Variants in EPHA7 observed in about 807,000 individuals in gnomAD.
EPHA7 encodes the protein EPH receptor A7.
EPHA7 carries 25 observed loss-of-function variants against 112.6 expected under a neutral mutation model. The observed-to-expected ratio is 0.22, with a 90% confidence interval of 0.16 to 0.31. The LOEUF is 0.31. Ranked by LOEUF, EPHA7 falls within the 10% of genes least tolerant of loss-of-function variation. EPHA7 has a pLI of 1.00. For missense variants in EPHA7, 962 were observed against 1,212.6 expected (o/e 0.79, Z 3.07); for synonymous variants, 437 against 406.5 (o/e 1.07, Z -0.90).
intron 3 of EPHA7, among the ~76,000 whole-genome samples, chr6:93,391,876 G>C (rs1777925317): frequency 1.3e-5 from 2 of 151,430 alleles, no homozygotes; most frequent in Admixed American, 6.6e-5. Flanking sequence ...CACGGTTTAT[G>C]AGATTAAAAA....
intron 5 of EPHA7, among the ~76,000 whole-genome samples, chr6:93,295,575 A>G (rs1396310834): frequency 6.6e-6 from 1 of 151,624 alleles, no homozygotes; most frequent in Non-Finnish European, 1.5e-5. Flanking sequence ...TTATATTTTT[A>G]TTTTTATAGT....
At chr6:93,289,807 A>T (rs981370731) in intron 5 of EPHA7, among the ~76,000 whole-genome samples, 9 of 152,200 alleles carry the variant, frequency 5.9e-5, no homozygotes, top group African/African-American at 2.2e-4. Flanking sequence ...TTGGTTACAT[A>T]TAACACACTT....
In EPHA7 at chr6:93,297,665, A is replaced by G. The variant is rs1430875891; in HGVS notation, c.1325-25243T>C. 3.3e-5 allele frequency among the ~76,000 whole-genome samples: 5 copies of G among 152,122 alleles called. No individual in the cohort carries two copies. In the East Asian group the frequency reaches 9.6e-4, roughly 29 times the overall value. ...GCCAGTTGCCACTGGTTATTAAAAT[A>G]AAAGCTTTCTCATACACAACCTTGT... On this transcript the variant is annotated intron_variant, in intron 5 of 16. Transcript: ENST00000369303.
intron 14 of EPHA7, among the ~76,000 whole-genome samples, chr6:93,247,226 C>A (rs1029996575): frequency 6.6e-6 from 1 of 152,088 alleles, no homozygotes; most frequent in East Asian, 1.9e-4. Context: ...TAAGTTCATC[C>A]AGGGTACAAT....
chr6:93,383,305 TATATC>T (rs1181178349), intron 3 of EPHA7, among the ~76,000 whole-genome samples: 1 of 150,590 alleles, frequency 6.6e-6, no homozygotes, highest in African/African-American at 2.4e-5. Context: ...TACAATGACT[TATATC>T]AGAACTCATT....
intron 5 of EPHA7, among the ~76,000 whole-genome samples, chr6:93,299,325 C>CA (rs1772845758): frequency 2.3e-5 from 3 of 127,682 alleles, no homozygotes; most frequent in South Asian, 2.4e-4. Context: ...GACTCCGTCT[C>CA]AAAAAAATAA....
chr6:93,396,814 C>G (rs1353597613), intron 3 of EPHA7, among the ~76,000 whole-genome samples: 2 of 151,560 alleles, frequency 1.3e-5, no homozygotes, highest in East Asian at 3.9e-4. Flanking sequence ...ATAAATATGA[C>G]AATCCCCAGT....
chr6:93,351,687 C>T (rs164539), intron 5 of EPHA7, among the ~76,000 whole-genome samples: 1 of 151,556 alleles, frequency 6.6e-6, no homozygotes, highest in African/African-American at 2.4e-5. Flanking sequence ...CAAATCTCTC[C>T]GTTGCCTATG....
At chr6:93,403,261 A>G (rs376102) in intron 3 of EPHA7, among the ~76,000 whole-genome samples, 1 of 151,896 alleles carries the variant, frequency 6.6e-6, no homozygotes, top group Non-Finnish European at 1.5e-5. Flanking sequence ...TTGCTTTGCC[A>G]GTGGATAGTT....
chr6:93,398,589 GA>G (rs3839555), intron 3 of EPHA7, among the ~76,000 whole-genome samples: 58,689 of 148,416 alleles, frequency 0.4, 12,586 homozygotes, highest in African/African-American at 0.58. Context: ...GATGGAGAAG[GA>G]AAAAAAAAAG....
intron 5 of EPHA7, among the ~76,000 whole-genome samples, chr6:93,330,783 T>C (rs1010248587): frequency 5.9e-5 from 9 of 151,456 alleles, no homozygotes; most frequent in Non-Finnish European, 8.9e-5. Context: ...GCTGATTTCC[T>C]TTCTGAAAGT....
intron 5 of EPHA7, among the ~76,000 whole-genome samples, chr6:93,305,883 T>C (rs896619371): frequency 3.3e-5 from 5 of 151,966 alleles, no homozygotes; most frequent in Non-Finnish European, 7.4e-5. Context: ...GTATTTTATA[T>C]AGTCACTATT....
In EPHA7 at chr6:93,305,811, T is replaced by C. The variant is rs140864703; in HGVS notation, c.1325-33389A>G. ...TGCAAACTTATCTGTCAGAAGAAAA[T>C]AAAAAAAATTTAAGTTTCTTCTTTG... On this transcript the variant is annotated intron_variant, in intron 5 of 16. Transcript: ENST00000369303. Among the ~76,000 whole-genome samples, 879 of 151,752 alleles carry C rather than the reference T, an allele frequency of 5.8e-3. 7 individuals are homozygous for C. Among genetic ancestry groups the C allele is most frequent in the African/African-American group, 0.02 (841 of 41,478 alleles).
rs143506044 is a variant in EPHA7 at position 93,314,272 on chromosome 6, C to T, written c.1325-41850G>A. Among the ~76,000 whole-genome samples, 23 of 152,146 alleles carry T rather than the reference C, an allele frequency of 1.5e-4. 1 individual carries two copies. The East Asian group carries it at 4.3e-3, about 28-fold the overall frequency. Reference sequence around the variant, plus strand: ...TATGGCAAAAACCCTATATAATACACCCATTACCACAGCTCTTATTATATT... The same window carrying T: ...TATGGCAAAAACCCTATATAATACATCCATTACCACAGCTCTTATTATATT... On this transcript the variant is annotated intron_variant, in intron 5 of 16. Transcript: ENST00000369303.
intron 6 of EPHA7, among the ~76,000 whole-genome samples, chr6:93,270,992 T>A (rs1771189763): frequency 6.6e-6 from 1 of 151,898 alleles, no homozygotes; most frequent in South Asian, 2.1e-4. Context: ...ATTTCAGATT[T>A]ATATTGTAAG....
At chr6:93,373,569 C>T (rs1247970149) in intron 3 of EPHA7, among the ~76,000 whole-genome samples, 1 of 152,088 alleles carries the variant, frequency 6.6e-6, no homozygotes, top group Non-Finnish European at 1.5e-5. Flanking sequence ...TCTGATATTT[C>T]ATGGTTTTGC....
chr6:93,374,097 C>G (rs986709826), intron 3 of EPHA7, among the ~76,000 whole-genome samples: 1 of 152,038 alleles, frequency 6.6e-6, no homozygotes, highest in Non-Finnish European at 1.5e-5. Context: ...TTAACCAGAG[C>G]TTTTAAAAAA....
At chr6:93,416,892 G>T (rs888971459) in intron 1 of EPHA7, among the ~76,000 whole-genome samples, 7 of 152,138 alleles carry the variant, frequency 4.6e-5, no homozygotes, top group African/African-American at 1.7e-4. Flanking sequence ...TCGGAGGGGC[G>T]GGGCGGGGGC....
At chr6:93,387,795 A>C (rs1777688529) in intron 3 of EPHA7, among the ~76,000 whole-genome samples, 1 of 152,088 alleles carries the variant, frequency 6.6e-6, no homozygotes, top group Admixed American at 6.6e-5. Flanking sequence ...CTATCACAAG[A>C]ACAGCATGGG....
Sources: allele counts gnomAD v4.1 joint callset (sites outside exome capture counted in the v4.1 genomes callset), GRCh38; gene constraint gnomAD v4.1.1; transcripts MANE v1.5; gene names NCBI Gene and HGNC (gene_info 2026-07-23, HGNC 2026-07-21).